The following RIN3 variants were observed in gnomAD, a reference collection of about 807,000 sequenced individuals.
The protein encoded by RIN3 is Ras and Rab interactor 3.
RIN3 carries 54 observed loss-of-function variants against 76.3 expected under a neutral mutation model. That is an observed-to-expected ratio of 0.71 (90% CI 0.57 to 0.89). RIN3 has a LOEUF of 0.89. RIN3 is among the 40% of genes least tolerant of loss of function. The probability of loss-of-function intolerance (pLI) is 0.00; values close to 1 mark genes in which losing one functional copy is unlikely to be tolerated. For missense variants in RIN3, 1,256 were observed against 1,322.1 expected (o/e 0.95, Z 0.78); for synonymous variants, 576 against 564.0 (o/e 1.02, Z -0.30).
At chr14:92,616,017 A>G (rs949137563) in intron 4 of RIN3, 1 of 153,736 alleles carries the variant, frequency 6.5e-6, no homozygotes, top group African/African-American at 2.4e-5. Flanking sequence ...GGGCTGGTTT[A>G]AAATGGGGTG....
chr14:92,535,119 G>T (rs1344375977), intron 1 of RIN3, among the ~76,000 whole-genome samples: 1 of 152,144 alleles, frequency 6.6e-6, no homozygotes, highest in Admixed American at 6.5e-5. Flanking sequence ...CGATCCTCAC[G>T]CTGTTGAGAA....
chr14:92,687,070 G>A (rs547513828), intron 9 of RIN3: 8 of 152,454 alleles, frequency 5.2e-5, no homozygotes, highest in African/African-American at 1.9e-4. Context: ...GCCACAAGGG[G>A]GCAGCCCCGC....
At chr14:92,599,139 C>G (rs141047799) in intron 3 of RIN3, among the ~76,000 whole-genome samples, 11 of 152,284 alleles carry the variant, frequency 7.2e-5, no homozygotes, top group Non-Finnish European at 1.0e-4. Flanking sequence ...GCATCCAGGC[C>G]TTGAAGCTCA....
At chr14:92,636,708 C>G (rs981052452) in intron 4 of RIN3, among the ~76,000 whole-genome samples, 2 of 152,106 alleles carry the variant, frequency 1.3e-5, no homozygotes, top group African/African-American at 4.8e-5. Context: ...GTAGAGAAAG[C>G]AAGCTGCAGA....
intron 7 of RIN3, among the ~76,000 whole-genome samples, chr14:92,667,330 A>T (rs1270181311): frequency 2.0e-5 from 3 of 152,322 alleles, no homozygotes; most frequent in Non-Finnish European, 2.9e-5. Context: ...CAGCCTGACC[A>T]ACATGGTGAA....
At chr14:92,530,296 G>A (rs974699233) in intron 1 of RIN3, among the ~76,000 whole-genome samples, 1 of 152,198 alleles carries the variant, frequency 6.6e-6, no homozygotes, top group African/African-American at 2.4e-5. Flanking sequence ...CACCTTCAGT[G>A]ACATTGAAGT....
In RIN3 at chr14:92,665,871, G is replaced by A. The variant is rs183531305; in HGVS notation, c.2335+6402G>A. On this transcript the variant is annotated intron_variant, in intron 7 of 9. Coordinates refer to ENST00000216487, the MANE Select transcript of RIN3 (RefSeq NM_024832.5). ...CTTTGACGTTCAGCAATTTTAGAACGAGGTCCCAGCATTCAATCATACCTT... is the reference window on the plus strand; with the variant it reads ...CTTTGACGTTCAGCAATTTTAGAACAAGGTCCCAGCATTCAATCATACCTT... Among the ~76,000 whole-genome samples the A allele has an allele frequency of 1.3e-3, 201 of 152,196 alleles. 3 individuals carry two copies. Among genetic ancestry groups the A allele is most frequent in the Admixed American group, 9.7e-3 (148 of 15,298 alleles).
chr14:92,612,730 G>A (rs911332914), intron 3 of RIN3, among the ~76,000 whole-genome samples: 2 of 152,246 alleles, frequency 1.3e-5, no homozygotes, highest in Admixed American at 6.5e-5. Context: ...CAGGGGAGAG[G>A]TTTAATTGCA....
intron 3 of RIN3, among the ~76,000 whole-genome samples, chr14:92,600,678 G>A (rs1045917599): frequency 2.0e-5 from 3 of 152,184 alleles, no homozygotes; most frequent in South Asian, 2.1e-4. Flanking sequence ...AGGTGTTGGC[G>A]TCCATGGCAC....
chr14:92,665,428 G>T lies in RIN3; in HGVS notation c.2335+5959G>T, dbSNP rs541767772. Among the ~76,000 whole-genome samples, 126 of 142,144 alleles carry T rather than the reference G, an allele frequency of 8.9e-4. 1 individual carries two copies. Among genetic ancestry groups the T allele is most frequent in the Non-Finnish European group, 1.5e-3 (99 of 66,398 alleles). The allele number at this position is 142,144 out of a possible 152,430, so 93.3% of individuals were successfully genotyped here. A position where few individuals can be genotyped will look rare whatever the true frequency, so the allele number is the denominator to read the frequency against. The stretch of plus-strand genomic sequence containing the variant: ...GAGTCTCGCTCTATCGCCCAGGCTG[G>T]AGTGCAGTGGCGCAATCTCGGCTCA... On this transcript the variant is annotated intron_variant, in intron 7 of 9. Transcript: ENST00000216487.
intron 2 of RIN3, among the ~76,000 whole-genome samples, chr14:92,563,471 A>G (rs556757763): frequency 6.6e-6 from 1 of 152,264 alleles, no homozygotes; most frequent in South Asian, 2.1e-4. Context: ...ACTAAGCACC[A>G]TCTCTCATTT....
In RIN3 at chr14:92,641,225, C is replaced by A; in HGVS notation, c.441-13C>A. On this transcript the variant is annotated splice_polypyrimidine_tract_variant and intron_variant, in intron 4 of 9. Transcript: ENST00000216487. Reference sequence around the variant, plus strand: ...GGACCCAGACATGACTTCTGCCCCTCGTGTCTTCACAGAGACTTACTGCCC... The same window carrying A: ...GGACCCAGACATGACTTCTGCCCCTAGTGTCTTCACAGAGACTTACTGCCC... The A allele has an allele frequency of 6.2e-7, 1 of 1,601,574 alleles. No individual in the cohort carries two copies. Among genetic ancestry groups the A allele is most frequent in the Non-Finnish European group, 8.6e-7 (1 of 1,168,486 alleles).
intron 4 of RIN3, among the ~76,000 whole-genome samples, chr14:92,640,351 T>C (rs1886962476): frequency 1.6e-5 from 1 of 60,850 alleles, no homozygotes; most frequent in African/African-American, 7.2e-5. Flanking sequence ...TGTGTGTTCA[T>C]CGGGGGCTGC....
intron 7 of RIN3, among the ~76,000 whole-genome samples, chr14:92,663,045 A>G (rs1230589451): frequency 6.6e-6 from 1 of 152,108 alleles, no homozygotes. Flanking sequence ...TCCTGAGCTC[A>G]AGCAATTTGC....
intron 4 of RIN3, among the ~76,000 whole-genome samples, chr14:92,625,546 C>T (rs1038129438): frequency 1.3e-5 from 2 of 152,142 alleles, no homozygotes; most frequent in Non-Finnish European, 2.9e-5. Context: ...ACTATTATGC[C>T]ATGAGCAGGA....
chr14:92,557,509 T>G (rs771119527), intron 2 of RIN3, among the ~76,000 whole-genome samples: 1 of 152,266 alleles, frequency 6.6e-6, no homozygotes, highest in Non-Finnish European at 1.5e-5. Flanking sequence ...AGGGCTCAGA[T>G]GGCGAATGGA....
chr14:92,527,235 G>A (rs554990292), intron 1 of RIN3, among the ~76,000 whole-genome samples: 1 of 151,178 alleles, frequency 6.6e-6, no homozygotes, highest in African/African-American at 2.5e-5. Flanking sequence ...TGTATTTTTA[G>A]TAGAGACGGG....
chr14:92,623,658 A>G lies in RIN3; in HGVS notation c.440+8179A>G, dbSNP rs1886257973. Among the ~76,000 whole-genome samples the G allele has an allele frequency of 6.6e-6, 1 of 152,150 alleles. No individual in the cohort carries two copies. Among genetic ancestry groups the G allele is most frequent in the Admixed American group, 6.5e-5 (1 of 15,278 alleles). On this transcript the variant is annotated intron_variant, in intron 4 of 9. Transcript: ENST00000216487. This position sits in a 1 kb window ranked among gnomAD's most constrained non-coding sequence, Gnocchi z 4.9. ...AATGCCAGGGTGAAAGGGATGGCCA[A>G]TTGAATTAGAGCACAAGTACCACTC... is the stretch of plus-strand genomic sequence containing the variant.
intron 1 of RIN3, among the ~76,000 whole-genome samples, chr14:92,554,792 G>A (rs1211788918): frequency 6.6e-6 from 1 of 152,096 alleles, no homozygotes; most frequent in Non-Finnish European, 1.5e-5. Context: ...GCATGGTGGT[G>A]CACGCCTGTA....
Sources: allele counts gnomAD v4.1 joint callset (sites outside exome capture counted in the v4.1 genomes callset), GRCh38; gene constraint gnomAD v4.1.1; non-coding constraint Gnocchi (gnomAD v3.1); transcripts MANE v1.5; gene names NCBI Gene and HGNC (gene_info 2026-07-23, HGNC 2026-07-21).